The following PCDHA9 variants were observed in gnomAD, a reference collection of about 807,000 sequenced individuals.
PCDHA9 encodes the protein protocadherin alpha 9.
A neutral mutation model predicts 62.0 loss-of-function variants in PCDHA9; 62 were observed. That is an observed-to-expected ratio of 1.00 (90% CI 0.81 to 1.23). The LOEUF (loss-of-function observed/expected upper bound fraction) is 1.23, where lower values mean the gene tolerates loss of function less well. PCDHA9 is among the 50% of genes most tolerant of loss of function. PCDHA9 has a pLI of 0.00. For synonymous variants in PCDHA9, 557 were observed against 567.6 expected, an observed-to-expected ratio of 0.98 and a Z score of 0.27; for missense variants, 1,205 against 1,249.8, an observed-to-expected ratio of 0.96 and a Z score of 0.54.
At chr5:140,986,031 G>A (rs1443664535) in intron 3 of PCDHA9, among the ~76,000 whole-genome samples, 5 of 152,198 alleles carry the variant, frequency 3.3e-5, no homozygotes, top group South Asian at 2.1e-4. Flanking sequence ...GAGCCACTGC[G>A]CCTGGCCTCA....
At chr5:140,935,592 T>C (rs1554210581) in intron 1 of PCDHA9, among the ~76,000 whole-genome samples, 1 of 152,252 alleles carries the variant, frequency 6.6e-6, no homozygotes, top group East Asian at 1.9e-4. Context: ...ACCAGCTAGA[T>C]ACAGAGCTAG....
intron 3 of PCDHA9, among the ~76,000 whole-genome samples, chr5:140,989,535 GTT>G (rs2097346543): frequency 6.6e-6 from 1 of 152,178 alleles, no homozygotes; most frequent in Non-Finnish European, 1.5e-5. Context: ...GAGGAAGATA[GTT>G]TGTAATTCCT....
At chr5:140,966,659 G>C in intron 1 of PCDHA9, 5 of 1,217,658 alleles carry the variant, frequency 4.1e-6, no homozygotes, top group Non-Finnish European at 5.3e-6. Context: ...AGCGGTGGGG[G>C]AGCAGGCGCA....
In PCDHA9 at chr5:140,886,468, T is replaced by C. The variant is rs138596929; in HGVS notation, c.2394+35579T>C. The stretch of plus-strand genomic sequence containing the variant: ...TAATTTTGTCATATATAAATGTTTT[T>C]AAAATGTATGAATTAAAATATATCT... On this transcript the variant is annotated intron_variant, in intron 1 of 3. Coordinates refer to ENST00000532602, the MANE Select transcript of PCDHA9 (RefSeq NM_031857.2). Among the ~76,000 whole-genome samples, 1,063 of 152,318 alleles carry C rather than the reference T, an allele frequency of 7.0e-3. 10 individuals carry two copies. Among genetic ancestry groups the C allele is most frequent in the Non-Finnish European group, 0.012 (787 of 68,024 alleles).
At chr5:140,904,932 T>C in intron 1 of PCDHA9, among the ~76,000 whole-genome samples, 1 of 152,250 alleles carries the variant, frequency 6.6e-6, no homozygotes, top group African/African-American at 2.4e-5. Context: ...TTGTAGGTTC[T>C]GGATATTAGT....
chr5:140,922,172 C>T (rs1466116071), intron 1 of PCDHA9, among the ~76,000 whole-genome samples: 2 of 134,528 alleles, frequency 1.5e-5, no homozygotes, highest in Non-Finnish European at 3.3e-5. Context: ...AAAAGTACAG[C>T]AGACAAAAAA....
At chr5:140,883,890 G>T (rs2153398485) in intron 1 of PCDHA9, 1 of 1,613,462 alleles carries the variant, frequency 6.2e-7, no homozygotes, top group Non-Finnish European at 8.5e-7. Context: ...CGCGACTCTG[G>T]CGTGCCGCCT....
intron 1 of PCDHA9, among the ~76,000 whole-genome samples, chr5:140,913,707 A>T (rs1355291016): frequency 6.6e-6 from 1 of 152,120 alleles, no homozygotes; most frequent in Non-Finnish European, 1.5e-5. Flanking sequence ...CAATGTAGGC[A>T]ATTACAGCTA....
intron 3 of PCDHA9, among the ~76,000 whole-genome samples, chr5:141,005,634 G>A (rs782404455): frequency 4.8e-5 from 7 of 146,670 alleles, no homozygotes; most frequent in Middle Eastern, 3.6e-3. Flanking sequence ...CCCGGGAGGC[G>A]GAGCTTGCAG....
At chr5:140,882,855 T>C in intron 1 of PCDHA9, 1 of 1,614,230 alleles carries the variant, frequency 6.2e-7, no homozygotes, top group Non-Finnish European at 8.5e-7. Context: ...TCACTTGTAC[T>C]GAGGAAAACA....
chr5:140,985,554 A>G (rs1563525071), intron 3 of PCDHA9, among the ~76,000 whole-genome samples: 1 of 152,114 alleles, frequency 6.6e-6, no homozygotes, highest in Non-Finnish European at 1.5e-5. Flanking sequence ...GTTGCTTCCA[A>G]AAGGCTTCTT....
chr5:140,916,582 A>G (rs1191941149), intron 1 of PCDHA9, among the ~76,000 whole-genome samples: 7 of 152,188 alleles, frequency 4.6e-5, no homozygotes, highest in Non-Finnish European at 1.0e-4. Flanking sequence ...AATGTCATCC[A>G]TGAGCTAGGG....
intron 1 of PCDHA9, among the ~76,000 whole-genome samples, chr5:140,959,833 T>C (rs539062460): frequency 1.3e-5 from 2 of 152,366 alleles, no homozygotes; most frequent in East Asian, 3.9e-4. Context: ...TAATGTATTA[T>C]GCCTGTAACT....
At chr5:140,962,191 T>C (rs2095664022) in intron 1 of PCDHA9, among the ~76,000 whole-genome samples, 1 of 152,210 alleles carries the variant, frequency 6.6e-6, no homozygotes, top group African/African-American at 2.4e-5. Flanking sequence ...ATCACTTTTA[T>C]GCTTCCTATC....
intron 3 of PCDHA9, among the ~76,000 whole-genome samples, chr5:141,006,736 G>C (rs939000554): frequency 2.0e-5 from 3 of 152,122 alleles, no homozygotes; most frequent in African/African-American, 7.2e-5. Context: ...AGGTCTTGAT[G>C]ATGTATTATA....
At chr5:140,861,307 G>T in intron 1 of PCDHA9, 2 of 192,584 alleles carry the variant, frequency 1.0e-5, no homozygotes, top group South Asian at 9.6e-5. Flanking sequence ...AAGCGGGAAA[G>T]GACCAGTTCC....
intron 1 of PCDHA9, chr5:140,928,020 T>G: frequency 1.2e-6 from 2 of 1,614,182 alleles, no homozygotes; most frequent in Middle Eastern, 1.6e-4. Context: ...GTAGGGTCAT[T>G]TGTGGCATGT....
intron 1 of PCDHA9, among the ~76,000 whole-genome samples, chr5:140,954,774 A>G (rs1396315075): frequency 1.3e-5 from 2 of 152,120 alleles, no homozygotes; most frequent in Admixed American, 1.3e-4. Flanking sequence ...TCTTTAATTT[A>G]ATTAGATCTC....
At chr5:140,900,941 C>T (rs1241522274) in intron 1 of PCDHA9, among the ~76,000 whole-genome samples, 1 of 152,140 alleles carries the variant, frequency 6.6e-6, no homozygotes, top group African/African-American at 2.4e-5. Flanking sequence ...TTTTGATTTG[C>T]ATTTCTCTGA....
Sources: gnomAD v4.1 joint callset for allele counts (sites outside exome capture counted in the v4.1 genomes callset) on GRCh38, gnomAD v4.1.1 for gene constraint, MANE v1.5 for transcripts, NCBI Gene and HGNC (gene_info 2026-07-23, HGNC 2026-07-21) for gene names.